Variants in CRACR2B observed in about 807,000 individuals in gnomAD.
The protein encoded by CRACR2B is EF-hand calcium-binding domain-containing protein 4A.
A neutral mutation model predicts 46.0 loss-of-function variants in CRACR2B; 50 were observed. That is an observed-to-expected ratio of 1.09 (90% confidence interval 0.87 to 1.38). CRACR2B has a LOEUF of 1.38. CRACR2B is among the 40% of genes most tolerant of loss of function. CRACR2B has a pLI of 0.00. For missense variants in CRACR2B, 667 were observed against 535.0 expected, an observed-to-expected ratio of 1.25 and a Z score of -2.43; for synonymous variants, 277 against 239.6, an observed-to-expected ratio of 1.16 and a Z score of -1.44.
At position 830,982 on chromosome 11, in the gene CRACR2B, G is replaced by T; in HGVS notation, c.903G>T (p.Gln301His). 6.5e-7 allele frequency: 1 copy of T among 1,533,828 alleles called. No homozygotes were observed. Residue 301 changes from glutamine (Q) to histidine (H), a missense_variant, in exon 7 of 9, where the codon CAG becomes CAT. Gln to His is a conservative substitution (Grantham distance 24). Coordinates refer to ENST00000525077, the MANE Select transcript of CRACR2B (RefSeq NM_001286606.2). ...CGCAGCTGGAGGGGGCGCAGGAGCA[G>T]ATCCGCAGGCTGGAGAGCGAAGCAC... Reference protein sequence around the residue: ...LRTQLEGAQEQIRRLESEARG... With the variant: ...LRTQLEGAQEHIRRLESEARG...
rs188032561 is a variant in CRACR2B, at chr11:830,298, G to T, written c.654G>T (p.Thr218=). 1.2e-4 allele frequency: 182 copies of T among 1,533,092 alleles called. No homozygotes were observed. The South Asian group carries it at 2.0e-3, about 17-fold the overall frequency. 95.0% of individuals were successfully genotyped at this position (1,533,092 alleles called of 1,614,324 possible). The stretch of plus-strand genomic sequence containing the variant: ...AGGTGCGCGCTCTGTACGAGGAGAC[G>T]GAGCAGCTTCGGGAGCAGAGCCGGC... ...EREVRALYEE[T]EQLREQSRRP... Residue 218 remains threonine, a synonymous_variant, in exon 5 of 9, where the codon ACG becomes ACT. Transcript: ENST00000525077.
rs959337897 is a variant in CRACR2B at position 830,780 on chromosome 11, C to T, written c.786+67C>T. ...CACTCTCCCCCTGTGCCTTAGCGTC[C>T]CCGGGTTGTCGGGAGCCTGGGGCAC... On this transcript the variant is annotated intron_variant, in intron 6 of 8. Transcript: ENST00000525077. 148 of 1,482,292 alleles carry T rather than the reference C, an allele frequency of 1.0e-4. 1 individual carries two copies. The highest frequency in any genetic ancestry group is 1.2e-4 in the Non-Finnish European group (139 of 1,118,024). 91.8% of individuals were successfully genotyped at this position (1,482,292 alleles called of 1,614,324 possible).
chr11:830,751 C>T (rs1846343539), intron 6 of CRACR2B, 38 bp downstream of exon 6: 1 of 1,500,104 alleles, frequency 6.7e-7, no homozygotes, highest in Non-Finnish European at 8.9e-7. Flanking sequence ...CACGGTCACC[C>T]GTGCACTCTC....
chr11:829,085 C>A (rs1422617521), intron 2 of CRACR2B, 122 bp downstream of exon 2: 2 of 1,394,938 alleles, frequency 1.4e-6, no homozygotes, highest in East Asian at 2.4e-5. Flanking sequence ...AGGGCCCGTG[C>A]TTTGTCTGCA....
rs1238865149 is a variant in CRACR2B at position 831,566 on chromosome 11, G to A, written c.1057G>A (p.Asp353Asn). 1 of 1,598,232 alleles carries A rather than the reference G, an allele frequency of 6.3e-7. No homozygotes were observed. Residue 353 changes from aspartate to asparagine, a missense_variant, in exon 9 of 9, where the codon GAC (aspartate) becomes AAC (asparagine). By Grantham distance (23) the Asp-to-Asn change is conservative (BLOSUM62 1). Coordinates refer to ENST00000525077, the MANE Select transcript of CRACR2B (RefSeq NM_001286606.2). ...GAATACACGGCTGCGGGATGACAGG[G>A]ACGCCTGCGAGGCCAGGCGGGCGGG... ...ELNTRLRDDR[D>N]ACEARRAGSS...
downstream of CRACR2B, chr11:831,990 C>G: frequency 4.2e-6 from 2 of 471,798 alleles, no homozygotes; most frequent in South Asian, 6.8e-5. Flanking sequence ...GACTGCACTG[C>G]GTCCTCCTGG....
rs770585537 is a variant in CRACR2B, at chr11:829,412, CGAG to C, written c.334_336del (p.Glu112del). 45 of 1,610,930 alleles carry C rather than the reference CGAG, an allele frequency of 2.8e-5. No individual in the cohort carries two copies. Among genetic ancestry groups the C allele is most frequent in the Non-Finnish European group, 3.6e-5 (42 of 1,179,296 alleles). On this transcript the variant is annotated inframe_deletion, in exon 3 of 9. Coordinates refer to ENST00000525077, the MANE Select transcript of CRACR2B (RefSeq NM_001286606.2). ...AGGGAGCGAACCCCTGCAGGACTCC[CGAG>C]GAGACCTTTGAGTCGGGCGGGCTCG...
upstream of CRACR2B, among the ~76,000 whole-genome samples, chr11:826,609 T>C (rs890510223): frequency 6.6e-6 from 1 of 152,252 alleles, no homozygotes; most frequent in African/African-American, 2.4e-5. Flanking sequence ...CTGCAAACTC[T>C]GCCTCCCGAG....
At chr11:830,424 C>T (rs781114304) in intron 5 of CRACR2B, 87 bp downstream of exon 5, 1 of 1,536,222 alleles carries the variant, frequency 6.5e-7, no homozygotes, top group South Asian at 1.2e-5. Context: ...TAATCCCTCC[C>T]CGACGGCCCC....
At chr11:827,488 C>CG, upstream of CRACR2B, 1 of 961,896 alleles carries the variant, frequency 1.0e-6, no homozygotes, top group Non-Finnish European at 1.2e-6. Context: ...CCCAGAGTTT[C>CG]GGGGAGCACA....
upstream of CRACR2B, chr11:827,415 C>T (rs182809811): frequency 5.6e-5 from 23 of 414,230 alleles, no homozygotes; most frequent in East Asian, 3.2e-3. Flanking sequence ...CTGAGCGTCT[C>T]GGTCGGGAAC....
At chr11:829,625 G>A (rs2133904125) in intron 3 of CRACR2B, 85 bp downstream of exon 3, 1 of 1,371,894 alleles carries the variant, frequency 7.3e-7, no homozygotes, top group Non-Finnish European at 9.7e-7. Flanking sequence ...CCGAGTGCTG[G>A]TTCTGCACAG....
intron 2 of CRACR2B, 38 bp from the exon 3 acceptor site, chr11:829,322 A>C (rs769281432): frequency 1.3e-6 from 2 of 1,565,596 alleles, no homozygotes; most frequent in Admixed American, 4.1e-5. Flanking sequence ...CACGGTGGCG[A>C]CCCACAGCCC....
intron 2 of CRACR2B, 126 bp downstream of exon 2, chr11:829,089 G>C (rs1350291036): frequency 7.3e-6 from 10 of 1,374,196 alleles, no homozygotes; most frequent in South Asian, 2.4e-5. Flanking sequence ...CCCGTGCTTT[G>C]TCTGCACGCA....
rs1314067131 is a variant in CRACR2B, at chr11:829,925, C to A, written c.459-61C>A. Reference sequence around the variant, plus strand: ...AAGTCTCCTAAGGGTTTGCTGCTGGCGGAGGGAAGCCTGCTTCCCGCTTCT... The same window carrying A: ...AAGTCTCCTAAGGGTTTGCTGCTGGAGGAGGGAAGCCTGCTTCCCGCTTCT... On this transcript the variant is annotated intron_variant, in intron 3 of 8. Coordinates refer to ENST00000525077, the MANE Select transcript of CRACR2B (RefSeq NM_001286606.2). The A allele has an allele frequency of 2.6e-6, 4 of 1,521,282 alleles. No homozygotes were observed. In the South Asian group the frequency reaches 4.9e-5, roughly 18 times the overall value. 94.2% of individuals were successfully genotyped at this position (1,521,282 alleles called of 1,614,324 possible). A position where few individuals can be genotyped will look rare whatever the true frequency, so the allele number is the denominator to read the frequency against.
At position 831,156 on chromosome 11, in the gene CRACR2B, T is replaced by A. The variant is rs1218286388; in HGVS notation, c.954-68T>A. ...CAGGCCCGCCCCGTGGGAAGGAGGA[T>A]CTTCTAGGGGGTCCGGGGGCTCCCC... On this transcript the variant is annotated intron_variant, in intron 7 of 8. Transcript: ENST00000525077. 2.5e-6 allele frequency: 4 copies of A among 1,606,396 alleles called. No homozygotes were observed. The African/African-American group carries it at 5.4e-5, about 22-fold the overall frequency.
upstream of CRACR2B, chr11:827,607 G>A: frequency 1.1e-6 from 1 of 941,814 alleles, no homozygotes; most frequent in Non-Finnish European, 1.3e-6. Flanking sequence ...CAAGCCGGAG[G>A]GCGGGCGAGA....
chr11:830,706 A>G lies in CRACR2B; in HGVS notation c.779A>G (p.Gln260Arg). 4 of 1,535,386 alleles carry G rather than the reference A, an allele frequency of 2.6e-6. No individual in the cohort carries two copies. The highest frequency in any genetic ancestry group is 3.5e-6 in the Non-Finnish European group (4 of 1,141,664). ...EQDLERAGLR[Q>R]RELEQQLHAQ... ...GACCTGGAACGCGCGGGCCTGCGGCAGCGGGAGGTGAGCACCCGGCCCCTG... is the reference window on the plus strand; with the variant it reads ...GACCTGGAACGCGCGGGCCTGCGGCGGCGGGAGGTGAGCACCCGGCCCCTG... The change falls in exon 6 of 9, where the codon CAG becomes CGG. Residue 260 changes from glutamine (Q) to arginine (R), a missense_variant. Physicochemically the swap from Gln to Arg is conservative, Grantham distance 43 (BLOSUM62 1). Coordinates refer to ENST00000525077, the MANE Select transcript of CRACR2B (RefSeq NM_001286606.2).
In CRACR2B at chr11:830,154, G is replaced by C. The variant is rs557065858; in HGVS notation, c.605+22G>C. On this transcript the variant is annotated intron_variant, in intron 4 of 8. Coordinates refer to ENST00000525077, the MANE Select transcript of CRACR2B (RefSeq NM_001286606.2). ...GGAGGTGAGGGCCGGGGTGGGGTATGGGGGCCAATGGAGGGCCTCAGGGCA... is the reference window on the plus strand; with the variant it reads ...GGAGGTGAGGGCCGGGGTGGGGTATCGGGGCCAATGGAGGGCCTCAGGGCA... 2.0e-6 allele frequency: 3 copies of C among 1,517,350 alleles called. No individual in the cohort carries two copies. In the African/African-American group the frequency reaches 4.1e-5, roughly 21 times the overall value. 94.0% of individuals were successfully genotyped at this position (1,517,350 alleles called of 1,614,324 possible).
Sources: gnomAD v4.1 joint callset for allele counts (sites outside exome capture counted in the v4.1 genomes callset) on GRCh38, gnomAD v4.1.1 for gene constraint, MANE v1.5 for transcripts, NCBI Gene and HGNC (gene_info 2026-07-23, HGNC 2026-07-21) for gene names.